The following LAYN variants were observed in gnomAD, a reference collection of about 807,000 sequenced individuals.
LAYN encodes the protein layilin.
LAYN carries 38 observed loss-of-function variants against 43.6 expected under a neutral mutation model. The ratio of observed to expected loss-of-function variants is 0.87; its 90% CI spans 0.67 to 1.14. The LOEUF (loss-of-function observed/expected upper bound fraction) is 1.14. Ranked by LOEUF, LAYN falls within the 50% of genes most tolerant of loss-of-function variation. The pLI, the probability that LAYN is intolerant of heterozygous loss-of-function variation, is 0.00. For synonymous variants in LAYN, 168 were observed against 172.9 expected, an observed-to-expected ratio of 0.97 and a Z score of 0.22; for missense variants, 479 against 463.8, an observed-to-expected ratio of 1.03 and a Z score of -0.30.
rs1338962558 is a variant in LAYN at position 111,557,543 on chromosome 11, G to T, written c.661G>T (p.Ala221Ser). The T allele has an allele frequency of 6.2e-7, 1 of 1,612,992 alleles. No individual in the cohort carries two copies. Among genetic ancestry groups the T allele is most frequent in the South Asian group, 1.1e-5 (1 of 91,032 alleles). ...TCATGTGCTTTCTTTCTTTTCAGAA[G>T]CTGCCTTGAATCTGGCCTACATCCT... ...AKKTFKESRE[A>S]ALNLAYILIP... Residue 221 changes from alanine to serine, a missense_variant and splice_region_variant, in exon 6 of 7, where the codon GCT becomes TCT. Coordinates refer to ENST00000375614, the MANE Select transcript of LAYN (RefSeq NM_178834.5).
rs779029402 is a variant in LAYN at position 111,551,474 on chromosome 11, GT to G, written c.541+1704del. On this transcript the variant is annotated intron_variant, in intron 3 of 6. Transcript: ENST00000375614. ...ATGGAGAAAAACTAACACACTGCCT[GT>G]TTTTGGCCACCCATGCCCAGAATAG... 3.2e-4 allele frequency: 145 copies of G among 454,472 alleles called. 2 individuals carry two copies. Among genetic ancestry groups the G allele is most frequent in the South Asian group, 8.4e-4 (54 of 64,262 alleles). 28.2% of individuals were successfully genotyped at this position (454,472 alleles called of 1,614,324 possible). A position where few individuals can be genotyped will look rare whatever the true frequency, so the allele number is the denominator to read the frequency against.
intron 1 of LAYN, among the ~76,000 whole-genome samples, chr11:111,542,847 G>A (rs1357845967): frequency 1.3e-5 from 2 of 152,184 alleles, no homozygotes; most frequent in Admixed American, 1.3e-4. Context: ...ACAGTGCCAG[G>A]CACAAAGTGT....
chr11:111,557,444 G>GT, intron 5 of LAYN, 97 bp from the exon 6 acceptor site: 1 of 954,684 alleles, frequency 1.0e-6, no homozygotes, highest in Non-Finnish European at 1.7e-6. Flanking sequence ...GGTACAAGTG[G>GT]TTTTTGACGA....
intron 2 of LAYN, among the ~76,000 whole-genome samples, chr11:111,544,716 G>A (rs1477689896): frequency 1.3e-5 from 2 of 152,046 alleles, no homozygotes; most frequent in Non-Finnish European, 2.9e-5. Flanking sequence ...CCCCTACCCT[G>A]GAAACATGAC....
Position 111,541,389 on chromosome 11 carries a change from G to C in LAYN, c.85+461G>C, listed in dbSNP as rs538867937. 5.4e-4 allele frequency: 355 copies of C among 657,504 alleles called. 3 individuals carry two copies. In the African/African-American group the frequency reaches 5.7e-3, roughly 11 times the overall value. The allele number at this position is 657,504 out of a possible 1,614,324, so 40.7% of individuals were successfully genotyped here. On this transcript the variant is annotated intron_variant, in intron 1 of 6. Coordinates refer to ENST00000375614, the MANE Select transcript of LAYN (RefSeq NM_178834.5). ...GTAGGGATGCTGGATCCCCGGTGCC[G>C]TGGGAACCCTGCCTGTTACTCCTCG...
chr11:111,545,851 C>T (rs1051215635), intron 2 of LAYN, among the ~76,000 whole-genome samples: 2 of 152,322 alleles, frequency 1.3e-5, no homozygotes, highest in Admixed American at 6.5e-5. Context: ...ATAAAGGGCA[C>T]GTGAGTTATT....
intron 3 of LAYN, among the ~76,000 whole-genome samples, chr11:111,552,772 A>G (rs1867766337): frequency 1.3e-5 from 2 of 152,198 alleles, no homozygotes; most frequent in Admixed American, 1.3e-4. Context: ...CACAAAATCA[A>G]TGTTCATTAA....
intron 3 of LAYN, among the ~76,000 whole-genome samples, chr11:111,552,693 T>C (rs1867765242): frequency 6.6e-6 from 1 of 152,226 alleles, no homozygotes; most frequent in Non-Finnish European, 1.5e-5. Flanking sequence ...GATTGAAGTA[T>C]GGAGGGACAA....
In LAYN at chr11:111,540,906, C is replaced by G; in HGVS notation, c.63C>G (p.Ala21=). 3 of 1,532,138 alleles carry G rather than the reference C, an allele frequency of 2.0e-6. No homozygotes were observed. The South Asian group carries it at 3.6e-5, about 18-fold the overall frequency. The allele number at this position is 1,532,138 out of a possible 1,614,324, so 94.9% of individuals were successfully genotyped here. A position where few individuals can be genotyped will look rare whatever the true frequency, so the allele number is the denominator to read the frequency against. Residue 21 remains alanine, a synonymous_variant, in exon 1 of 7, where the codon GCC becomes GCG. Transcript: ENST00000375614. Reference sequence around the variant, plus strand: ...CCGTGCTGCTGGTGGGGCTGCGGGCCGCGACGGGTCGCCTGCTGAGTGGTG... The same window carrying G: ...CCGTGCTGCTGGTGGGGCTGCGGGCGGCGACGGGTCGCCTGCTGAGTGGTG... The part of the protein sequence containing the change: ...LLAVLLVGLR[A]ATGRLLSGQP...
intron 3 of LAYN, 147 bp from the exon 4 acceptor site, chr11:111,554,414 C>T: frequency 1.5e-6 from 1 of 649,344 alleles, no homozygotes; most frequent in Non-Finnish European, 2.7e-6. Context: ...ATTTACTAGC[C>T]CAGTTCCTGA....
rs139202401 is a variant in LAYN, at chr11:111,549,711, C to T, written c.477C>T (p.Tyr159=). 20 of 1,606,400 alleles carry T rather than the reference C, an allele frequency of 1.2e-5. No homozygotes were observed. Among genetic ancestry groups the T allele is most frequent in the Admixed American group, 1.7e-5 (1 of 58,588 alleles). ...PSAPAGIGGP[Y]MFQWNDDRCN... ...CACCCGCTGGCATCGGAGGCCCCTA[C>T]ATGTTCCAGTGGAATGATGACCGGT... The change falls in exon 3 of 7, where the codon TAC becomes TAT. Residue 159 remains tyrosine (Y), a synonymous_variant. Transcript: ENST00000375614.
At chr11:111,553,715 TAC>T (rs60878342) in intron 3 of LAYN, among the ~76,000 whole-genome samples, 5,851 of 140,290 alleles carry the variant, frequency 0.042, 219 homozygotes, top group African/African-American at 0.11. Context: ...ACATCACCTA[TAC>T]ACACACACAC....
At chr11:111,541,451 C>T (rs1238164425) in intron 1 of LAYN, 1 of 1,079,168 alleles carries the variant, frequency 9.3e-7, no homozygotes, top group East Asian at 2.6e-5. Flanking sequence ...GTCGAGCGCC[C>T]GGTATGAGAG....
intron 3 of LAYN, among the ~76,000 whole-genome samples, chr11:111,552,012 GTGTATA>G (rs1315416180): frequency 0.016 from 2,323 of 149,388 alleles, 70 homozygotes; most frequent in African/African-American, 0.053. Flanking sequence ...GTATGTGTGT[GTGTATA>G]TATATATATA....
rs1254852375 is a variant in LAYN, at chr11:111,560,130, A to G, written c.797A>G (p.Gln266Arg). 1.2e-6 allele frequency: 2 copies of G among 1,613,532 alleles called. No homozygotes were observed. Among genetic ancestry groups the G allele is most frequent in the Admixed American group, 3.3e-5 (2 of 59,978 alleles). Residue 266 changes from glutamine (Q) to arginine (R), a missense_variant, in exon 7 of 7, where the codon CAA (glutamine) becomes CGA (arginine). Coordinates refer to ENST00000375614, the MANE Select transcript of LAYN (RefSeq NM_178834.5). ...REQPDPSTKK[Q>R]HTIWPSPHQG... The stretch of plus-strand genomic sequence containing the variant: ...CAGCCAGACCCTAGCACAAAGAAGC[A>G]ACACACCATCTGGCCCTCTCCTCAC...
intron 3 of LAYN, among the ~76,000 whole-genome samples, chr11:111,550,600 G>A (rs1331469371): frequency 2.0e-5 from 3 of 152,134 alleles, no homozygotes; most frequent in African/African-American, 7.2e-5. Context: ...CTATGGTTTG[G>A]TGGCAATTTT....
chr11:111,552,540 G>A (rs1867762024), intron 3 of LAYN, among the ~76,000 whole-genome samples: 1 of 152,226 alleles, frequency 6.6e-6, no homozygotes, highest in African/African-American at 2.4e-5. Context: ...AGCCATAGCT[G>A]AACACTTGCT....
intron 4 of LAYN, among the ~76,000 whole-genome samples, chr11:111,554,951 T>A (rs1258644167): frequency 6.6e-6 from 1 of 152,224 alleles, no homozygotes; most frequent in Non-Finnish European, 1.5e-5. Flanking sequence ...CACCTTGGTA[T>A]TTTATGTACC....
chr11:111,543,377 GCTGA>G (rs1255593897), intron 1 of LAYN, among the ~76,000 whole-genome samples: 3 of 152,272 alleles, frequency 2.0e-5, no homozygotes, highest in Admixed American at 6.5e-5. Context: ...AGGTCAGAGG[GCTGA>G]CTGTCAGTAG....
Sources: allele counts gnomAD v4.1 joint callset (sites outside exome capture counted in the v4.1 genomes callset), GRCh38; gene constraint gnomAD v4.1.1; transcripts MANE v1.5; gene names NCBI Gene and HGNC (gene_info 2026-07-23, HGNC 2026-07-21).